Variants in ZNF18 observed in about 807,000 individuals in gnomAD.
ZNF18 encodes zinc finger protein 18, also known as heart development-specific gene 1 protein.
A neutral mutation model predicts 58.1 loss-of-function variants in ZNF18; 42 were observed. That is an observed-to-expected ratio of 0.72 (90% CI 0.56 to 0.93). ZNF18 has a LOEUF of 0.93. Among genes scored for constraint, ZNF18 ranks in the 40% least tolerant of loss-of-function variants. The probability of loss-of-function intolerance (pLI) is 0.00; values close to 1 mark genes in which losing one functional copy is unlikely to be tolerated. For synonymous variants in ZNF18, 231 were observed against 239.8 expected (o/e 0.96, Z 0.34); for missense variants, 540 against 644.2 (o/e 0.84, Z 1.75).
intron 4 of ZNF18, among the ~76,000 whole-genome samples, chr17:11,989,534 C>A (rs933754933): frequency 6.6e-6 from 1 of 151,948 alleles, no homozygotes; most frequent in African/African-American, 2.4e-5. Flanking sequence ...ATGAAAGATA[C>A]AATAAAGCCC....
the ZNF18 span, chr17:12,021,271 CA>C: frequency 3.7e-5 from 9 of 243,424 alleles, no homozygotes; most frequent in Admixed American, 5.6e-5. Context: ...CCGCAGGGCC[CA>C]CCTGGTCCGG....
At chr17:12,007,304 T>C in the ZNF18 span, among the ~76,000 whole-genome samples, 295 of 152,308 alleles carry the variant, frequency 1.9e-3, 1 homozygote, top group Non-Finnish European at 3.7e-3. Flanking sequence ...TTTAGGCTTC[T>C]TTATCTCATT....
rs1445276240 is a variant in ZNF18, at chr17:11,978,652, C to A, written c.955G>T (p.Val319Phe). 1.9e-6 allele frequency: 3 copies of A among 1,613,746 alleles called. No homozygotes were observed. The South Asian group carries it at 3.3e-5, about 18-fold the overall frequency. ...LHASCQASGE[V>F]PSQASLRGFF... The stretch of plus-strand genomic sequence containing the variant: ...CCCCTCAAGGAAGCCTGAGAAGGAA[C>A]CTCTCCTGAAGCTTGACAGGAAGCA... The change falls in exon 7 of 7, where the codon GTT becomes TTT. Residue 319 changes from valine (V) to phenylalanine (F), a missense_variant. Val to Phe is a conservative substitution (Grantham distance 50). Coordinates refer to ENST00000580306, the MANE Select transcript of ZNF18 (RefSeq NM_001303281.2).
the ZNF18 span, chr17:12,021,086 A>G: frequency 1.2e-6 from 1 of 835,468 alleles, no homozygotes. Context: ...ACGCCCCCGG[A>G]CCCGGCTGAG....
In ZNF18 at chr17:11,977,825, C is replaced by T; in HGVS notation, c.*132G>A. ...CCAAGTCCAAAGCCATGTCCAGATT[C>T]TCTCCTCTCCAATCCAAGAAAAAAG... is the stretch of plus-strand genomic sequence containing the variant. On this transcript the variant is annotated 3_prime_UTR_variant, in exon 7 of 7. Transcript: ENST00000580306. The T allele has an allele frequency of 2.7e-6, 3 of 1,101,616 alleles. No individual in the cohort carries two copies. The highest frequency in any genetic ancestry group is 3.4e-5 in the South Asian group (2 of 59,170). 68.2% of individuals were successfully genotyped at this position (1,101,616 alleles called of 1,614,324 possible). A position where few individuals can be genotyped will look rare whatever the true frequency, so the allele number is the denominator to read the frequency against.
At chr17:11,998,879 T>A (rs1968608930), upstream of ZNF18, among the ~76,000 whole-genome samples, 1 of 149,890 alleles carries the variant, frequency 6.7e-6, no homozygotes, top group Admixed American at 6.7e-5. Context: ...TTTCACCATG[T>A]TGGCCAGGCT....
rs139816515 is a variant in ZNF18, at chr17:11,980,475, C to T, written c.863-1731G>A. 2.9e-4 allele frequency among the ~76,000 whole-genome samples: 44 copies of T among 152,222 alleles called. No individual in the cohort carries two copies. In the East Asian group the frequency reaches 8.3e-3, roughly 29 times the overall value. The stretch of plus-strand genomic sequence containing the variant: ...TTGCTCTGTCACCCAGGCTGGAGTG[C>T]AATGGCGTGATCTTGGCTCACTGCA... On this transcript the variant is annotated intron_variant, in intron 6 of 6. Transcript: ENST00000580306.
intron 4 of ZNF18, among the ~76,000 whole-genome samples, chr17:11,988,896 C>G (rs190094953): frequency 6.6e-6 from 1 of 152,036 alleles, no homozygotes; most frequent in East Asian, 1.9e-4. Flanking sequence ...TGGTGGCTCC[C>G]GCCTGTAATC....
chr17:11,990,985 T>C lies in ZNF18; in HGVS notation c.566A>G (p.Glu189Gly). The change falls in exon 3 of 7, where the codon GAA (glutamate) becomes GGA (glycine). Residue 189 changes from glutamate (E) to glycine (G), a missense_variant. Transcript: ENST00000580306. ...SHIVKEESDT[E>G]AELALAASQP... ...AGCACCATCCTCACCTAGTTCTGCT[T>C]CTGTGTCAGATTCCTCTTTCACGAT... 6.2e-7 allele frequency: 1 copy of C among 1,613,888 alleles called. No individual in the cohort carries two copies. Among genetic ancestry groups the C allele is most frequent in the Non-Finnish European group, 8.5e-7 (1 of 1,179,866 alleles).
intron 5 of ZNF18, 134 bp from the exon 6 acceptor site, chr17:11,983,541 G>T: frequency 1.5e-6 from 1 of 665,750 alleles, no homozygotes; most frequent in Non-Finnish European, 2.7e-6. Flanking sequence ...ACTCACCTTA[G>T]AACAGTGTGT....
At chr17:12,004,856 C>T in the ZNF18 span, among the ~76,000 whole-genome samples, 1 of 139,750 alleles carries the variant, frequency 7.2e-6, no homozygotes, top group Non-Finnish European at 1.5e-5. Context: ...CATTGCACTC[C>T]AGCCTGGGCA....
intron 3 of ZNF18, 52 bp downstream of exon 3, chr17:11,990,922 A>G (rs1968078766): frequency 1.9e-6 from 3 of 1,567,156 alleles, no homozygotes; most frequent in Non-Finnish European, 2.6e-6. Flanking sequence ...TAGGCCTACT[A>G]ATCACAATCC....
the ZNF18 span, among the ~76,000 whole-genome samples, chr17:12,010,419 CT>C: frequency 3.9e-3 from 568 of 145,546 alleles, 1 homozygote; most frequent in Middle Eastern, 0.011. Flanking sequence ...TGTTTCTGAA[CT>C]TTTTTTTTTT....
intron 1 of ZNF18, among the ~76,000 whole-genome samples, chr17:11,995,380 A>T (rs959103956): frequency 3.3e-5 from 5 of 150,976 alleles, no homozygotes; most frequent in African/African-American, 1.2e-4. Flanking sequence ...CACCACTGCA[A>T]GAAAAAAAAA....
chr17:11,982,887 A>AT lies in ZNF18; in HGVS notation c.862+409dup, dbSNP rs971606216. Among the ~76,000 whole-genome samples the AT allele has an allele frequency of 9.4e-4, 143 of 152,076 alleles. 1 individual carries two copies. Among genetic ancestry groups the AT allele is most frequent in the Non-Finnish European group, 1.3e-3 (89 of 67,968 alleles). Reference sequence around the variant, plus strand: ...TAGGTGCATAGGGATTAGATAAAACATTTTTTTCTGTTTGTTTTATGTCTA... The same window carrying AT: ...TAGGTGCATAGGGATTAGATAAAACATTTTTTTTCTGTTTGTTTTATGTCTA... On this transcript the variant is annotated intron_variant, in intron 6 of 6. Transcript: ENST00000580306.
the ZNF18 span, among the ~76,000 whole-genome samples, chr17:12,012,057 TA>T: frequency 6.6e-6 from 1 of 152,224 alleles, no homozygotes; most frequent in African/African-American, 2.4e-5. Flanking sequence ...TTACAGTCCA[TA>T]AGCTACCAAA....
intron 3 of ZNF18, 80 bp from the exon 4 acceptor site, chr17:11,990,630 C>A: frequency 2.7e-6 from 3 of 1,101,450 alleles, no homozygotes; most frequent in Non-Finnish European, 1.3e-6. Context: ...ACAATCTTCA[C>A]AAATCAGAAC....
At chr17:12,005,035 ACACT>A in the ZNF18 span, among the ~76,000 whole-genome samples, 14 of 151,196 alleles carry the variant, frequency 9.3e-5, no homozygotes, top group Admixed American at 5.3e-4. Context: ...ATTTATACAC[ACACT>A]AAGTTTAAAT....
intron 4 of ZNF18, among the ~76,000 whole-genome samples, chr17:11,984,716 T>TGTTAGC (rs1467755177): frequency 6.6e-6 from 1 of 152,020 alleles, no homozygotes; most frequent in Non-Finnish European, 1.5e-5. Context: ...GGTTTCACCA[T>TGTTAGC]CAGGATGGTC....
Sources: gnomAD v4.1 joint callset for allele counts (sites outside exome capture counted in the v4.1 genomes callset) on GRCh38, gnomAD v4.1.1 for gene constraint, MANE v1.5 for transcripts, NCBI Gene and HGNC (gene_info 2026-07-23, HGNC 2026-07-21) for gene names.